Variants in HACD4 observed in about 807,000 individuals in gnomAD.
HACD4 encodes 3-hydroxyacyl-CoA dehydratase 4.
HACD4 carries 35 observed loss-of-function variants against 33.3 expected under a neutral mutation model. The observed-to-expected ratio is 1.05, with a 90% CI of 0.80 to 1.39. The LOEUF (loss-of-function observed/expected upper bound fraction) is 1.39. Among genes scored for constraint, HACD4 ranks in the 40% most tolerant of loss-of-function variants. HACD4 has a pLI of 0.00. For synonymous variants in HACD4, 118 were observed against 98.0 expected, an observed-to-expected ratio of 1.20 and a Z score of -1.21; for missense variants, 323 against 276.5, an observed-to-expected ratio of 1.17 and a Z score of -1.19.
At chr9:21,031,381 G>T (rs1347220132) in intron 1 of HACD4, 172 bp downstream of exon 1, 1 of 846,226 alleles carries the variant, frequency 1.2e-6, no homozygotes, top group African/African-American at 1.8e-5. Flanking sequence ...GTGGTCAAGA[G>T]GGGTAAGTTA....
chr9:21,014,775 CA>C, intron 4 of HACD4, among the ~76,000 whole-genome samples: 1 of 152,250 alleles, frequency 6.6e-6, no homozygotes, highest in South Asian at 2.1e-4. Flanking sequence ...CATCACTTAG[CA>C]AGTAAGTAGT....
chr9:21,021,383 A>G (rs1179597789), intron 3 of HACD4, among the ~76,000 whole-genome samples: 2 of 152,198 alleles, frequency 1.3e-5, no homozygotes, highest in Non-Finnish European at 2.9e-5. Context: ...GGCCAGGGCA[A>G]TCAGGCAGGA....
At chr9:21,021,798 T>C (rs538239852) in intron 3 of HACD4, among the ~76,000 whole-genome samples, 16 of 152,208 alleles carry the variant, frequency 1.1e-4, no homozygotes, top group Non-Finnish European at 2.4e-4. Context: ...AAAATGGCCA[T>C]ACTGCCCAAG....
intron 4 of HACD4, among the ~76,000 whole-genome samples, chr9:21,014,273 C>T (rs529786908): frequency 5.9e-5 from 9 of 152,292 alleles, no homozygotes; most frequent in African/African-American, 1.9e-4. Flanking sequence ...TATGGATGTT[C>T]ATGGCAGTAC....
chr9:21,016,245 T>G (rs1294270616), intron 3 of HACD4, among the ~76,000 whole-genome samples: 3 of 152,242 alleles, frequency 2.0e-5, no homozygotes, highest in Non-Finnish European at 2.9e-5. Flanking sequence ...ATATATTTTA[T>G]GTGAATCAGG....
At chr9:21,027,591 C>T (rs1026042256) in intron 2 of HACD4, among the ~76,000 whole-genome samples, 3 of 152,188 alleles carry the variant, frequency 2.0e-5, no homozygotes, top group African/African-American at 4.8e-5. Context: ...AGTCCATGCT[C>T]TTATCCACTG....
chr9:21,027,000 CTTATAAGA>C (rs1021386308), intron 2 of HACD4, among the ~76,000 whole-genome samples: 6 of 152,222 alleles, frequency 3.9e-5, no homozygotes, highest in African/African-American at 1.4e-4. Context: ...TTATTCCCCA[CTTATAAGA>C]TTATAAAGCA....
At chr9:21,022,364 A>G (rs895261714) in intron 3 of HACD4, among the ~76,000 whole-genome samples, 4 of 152,338 alleles carry the variant, frequency 2.6e-5, no homozygotes, top group African/African-American at 9.6e-5. Flanking sequence ...ACAAAAGCCA[A>G]AATTGACAAA....
In HACD4 at chr9:21,000,987, G is replaced by T. The variant is rs1188504642; in HGVS notation, c.*6050C>A. On this transcript the variant is annotated 3_prime_UTR_variant, in exon 7 of 7. Coordinates refer to ENST00000495827, the MANE Select transcript of HACD4 (RefSeq NM_001010915.5). ...AACATTAACTTAGGGACCTTAGTGA[G>T]ATGTAGTTACCATATTATTAGATTG... The T allele has an allele frequency of 6.6e-6, 1 of 151,988 alleles. No individual in the cohort carries two copies. The highest frequency in any genetic ancestry group is 1.5e-5 in the Non-Finnish European group (1 of 67,966). 9.4% of individuals were successfully genotyped at this position (151,988 alleles called of 1,614,324 possible). A position where few individuals can be genotyped will look rare whatever the true frequency, so the allele number is the denominator to read the frequency against.
At chr9:21,025,863 T>C (rs1037527374) in intron 3 of HACD4, among the ~76,000 whole-genome samples, 7 of 152,228 alleles carry the variant, frequency 4.6e-5, no homozygotes, top group African/African-American at 1.2e-4. Context: ...TTATCCATTT[T>C]CTCAGTTACT....
At chr9:21,029,224 T>C in intron 2 of HACD4, 71 bp downstream of exon 2, 1 of 876,444 alleles carries the variant, frequency 1.1e-6, no homozygotes, top group South Asian at 1.5e-5. Flanking sequence ...GTGTAGAAAT[T>C]TAATATAAGC....
chr9:21,023,574 C>CTTTTT (rs397709627), intron 3 of HACD4, among the ~76,000 whole-genome samples: 1 of 128,928 alleles, frequency 7.8e-6, no homozygotes, highest in African/African-American at 2.9e-5. Context: ...ACTTAACAAT[C>CTTTTT]TTTTTTTTTT....
At position 21,006,136 on chromosome 9, in the gene HACD4, CA is replaced by C. The variant is rs1554756724; in HGVS notation, c.*900del. On this transcript the variant is annotated 3_prime_UTR_variant, in exon 7 of 7. Transcript: ENST00000495827. This position sits in a 1 kb window ranked among gnomAD's most constrained non-coding sequence, Gnocchi z 4.6. Reference sequence around the variant, plus strand: ...GACATGAATTTTGTAGGACCAGGTACAGAATGCTATGGAGTGAATCTTTGTG... The same window carrying C: ...GACATGAATTTTGTAGGACCAGGTACGAATGCTATGGAGTGAATCTTTGTG... 8 of 152,138 alleles carry C rather than the reference CA, an allele frequency of 5.3e-5. No individual in the cohort carries two copies. Among genetic ancestry groups the C allele is most frequent in the Non-Finnish European group, 1.2e-4 (8 of 68,030 alleles). 9.4% of individuals were successfully genotyped at this position (152,138 alleles called of 1,614,324 possible).
chr9:21,012,760 T>A (rs561465176), intron 4 of HACD4, among the ~76,000 whole-genome samples: 13 of 152,144 alleles, frequency 8.5e-5, no homozygotes, highest in Non-Finnish European at 1.6e-4. Context: ...AAGCATGTTT[T>A]CATGTTTAAA....
At chr9:21,031,516 G>A in intron 1 of HACD4, 37 bp downstream of exon 1, 3 of 1,452,212 alleles carry the variant, frequency 2.1e-6, no homozygotes, top group Non-Finnish European at 2.7e-6. Flanking sequence ...CCCTCCACCC[G>A]CGCCCCCTCC....
chr9:21,007,531 A>ATGAT (rs1842299653), intron 6 of HACD4, among the ~76,000 whole-genome samples: 1 of 152,186 alleles, frequency 6.6e-6, no homozygotes, highest in South Asian at 2.1e-4. Context: ...TTCCTGGAAA[A>ATGAT]TGATTAGGTT....
At chr9:21,029,544 C>A in intron 1 of HACD4, 146 bp from the exon 2 acceptor site, 16 of 474,480 alleles carry the variant, frequency 3.4e-5, no homozygotes, top group Non-Finnish European at 6.1e-5. Context: ...CCCCCAAGTA[C>A]ATATCAGATT....
chr9:21,021,767 GT>G (rs1242863356), intron 3 of HACD4, among the ~76,000 whole-genome samples: 12 of 152,110 alleles, frequency 7.9e-5, no homozygotes, highest in African/African-American at 2.9e-4. Flanking sequence ...ATGCTCATGG[GT>G]AGGAAGAATC....
At chr9:21,014,817 A>C (rs1842517943) in intron 4 of HACD4, among the ~76,000 whole-genome samples, 1 of 152,192 alleles carries the variant, frequency 6.6e-6, no homozygotes, top group South Asian at 2.1e-4. Flanking sequence ...GAGATCTTCT[A>C]CCTCTATGTC....
Sources: gnomAD v4.1 joint callset for allele counts (sites outside exome capture counted in the v4.1 genomes callset) on GRCh38, gnomAD v4.1.1 for gene constraint, Gnocchi (gnomAD v3.1) non-coding constraint, MANE v1.5 for transcripts, NCBI Gene and HGNC (gene_info 2026-07-23, HGNC 2026-07-21) for gene names.